The following BBOX1 variants were observed in gnomAD, a reference collection of about 807,000 sequenced individuals.
BBOX1 encodes the protein gamma-butyrobetaine dioxygenase.
BBOX1 carries 35 observed loss-of-function variants against 41.6 expected under a neutral mutation model. The ratio of observed to expected loss-of-function variants is 0.84; its 90% CI spans 0.64 to 1.11. The LOEUF (loss-of-function observed/expected upper bound fraction) is 1.11, where lower values mean the gene tolerates loss of function less well. Among genes scored for constraint, BBOX1 ranks in the 50% most tolerant of loss-of-function variants. The pLI, the probability that BBOX1 is intolerant of heterozygous loss-of-function variation, is 0.00. For synonymous variants in BBOX1, 163 were observed against 154.7 expected, an observed-to-expected ratio of 1.05 and a Z score of -0.40; for missense variants, 458 against 460.6, an observed-to-expected ratio of 0.99 and a Z score of 0.05.
At chr11:27,076,731 A>G (rs1245637060) in intron 4 of BBOX1, among the ~76,000 whole-genome samples, 1 of 152,144 alleles carries the variant, frequency 6.6e-6, no homozygotes, top group Non-Finnish European at 1.5e-5. Context: ...GGCTCTCCAC[A>G]TGCAGGGCAA....
At chr11:27,068,201 A>G (rs1375447025) in intron 4 of BBOX1, among the ~76,000 whole-genome samples, 5 of 152,106 alleles carry the variant, frequency 3.3e-5, no homozygotes, top group Admixed American at 3.3e-4. Context: ...CCCACAGTGA[A>G]CGCTTCCCTT....
At chr11:27,109,452 C>A (rs1353865649) in intron 5 of BBOX1, among the ~76,000 whole-genome samples, 2 of 151,898 alleles carry the variant, frequency 1.3e-5, no homozygotes, top group South Asian at 4.1e-4. Flanking sequence ...CCGTTTGAAC[C>A]TAAAGACCAA....
At chr11:27,058,236 T>A (rs1406025622) in intron 4 of BBOX1, among the ~76,000 whole-genome samples, 2 of 152,184 alleles carry the variant, frequency 1.3e-5, no homozygotes, top group Non-Finnish European at 2.9e-5. Flanking sequence ...CCTTCCATCA[T>A]GATTGTAAGT....
rs376519640 is a variant in BBOX1 at position 27,057,213 on chromosome 11, T to C, written c.232T>C (p.Trp78Arg). ...TTTGTGTTATAAGGTGTACATCACA[T>C]GGCCCGATGAGCATTACAGTGAATT... The part of the protein sequence containing the change: ...IFDRKKVYIT[W>R]PDEHYSEFQA... The change falls in exon 4 of 9, where the codon TGG becomes CGG. Residue 78 changes from tryptophan (W) to arginine (R), a missense_variant. Trp to Arg is a moderately radical substitution (Grantham distance 101). Transcript: ENST00000263182. The C allele has an allele frequency of 3.1e-6, 5 of 1,603,444 alleles. No individual in the cohort carries two copies. Among genetic ancestry groups the C allele is most frequent in the Non-Finnish European group, 2.5e-6 (3 of 1,177,452 alleles).
At chr11:27,082,213 G>T (rs1857866129) in intron 4 of BBOX1, among the ~76,000 whole-genome samples, 1 of 152,096 alleles carries the variant, frequency 6.6e-6, no homozygotes, top group South Asian at 2.1e-4. Flanking sequence ...TGAGATTTGG[G>T]TAGGGGCAAA....
At chr11:27,122,966 C>T (rs1297769447) in intron 7 of BBOX1, among the ~76,000 whole-genome samples, 1 of 152,010 alleles carries the variant, frequency 6.6e-6, no homozygotes, top group East Asian at 1.9e-4. Context: ...TACATTAGAC[C>T]CTGCTGTTCT....
chr11:27,081,964 T>C (rs908740268), intron 4 of BBOX1, among the ~76,000 whole-genome samples: 1 of 152,158 alleles, frequency 6.6e-6, no homozygotes, highest in Non-Finnish European at 1.5e-5. Context: ...TAGCCCTTTT[T>C]CGGATGGATA....
intron 5 of BBOX1, among the ~76,000 whole-genome samples, chr11:27,096,701 G>T (rs1267959383): frequency 1.3e-5 from 2 of 151,948 alleles, no homozygotes; most frequent in East Asian, 1.9e-4. Context: ...TAGGTGGTTG[G>T]TTGGATGAAC....
intron 8 of BBOX1, among the ~76,000 whole-genome samples, chr11:27,126,118 T>TAG (rs1859642015): frequency 6.6e-6 from 1 of 152,240 alleles, no homozygotes. Context: ...TGAAATAAAG[T>TAG]AGTACCTAAA....
intron 4 of BBOX1, among the ~76,000 whole-genome samples, chr11:27,077,822 C>T (rs60221403): frequency 0.074 from 11,175 of 152,004 alleles, 1,353 homozygotes; most frequent in African/African-American, 0.25. Flanking sequence ...TAGATTGTCT[C>T]TCTTGCCAAC....
intron 4 of BBOX1, among the ~76,000 whole-genome samples, chr11:27,075,771 C>T (rs768677410): frequency 6.6e-6 from 1 of 152,190 alleles, no homozygotes; most frequent in Non-Finnish European, 1.5e-5. Context: ...TTGTGGGGAT[C>T]CAGTCACCCT....
At chr11:27,057,544 G>A in intron 4 of BBOX1, 1 of 438,212 alleles carries the variant, frequency 2.3e-6, no homozygotes. Flanking sequence ...AATAAGTCCA[G>A]CAAACTTGTG....
At chr11:27,104,369 T>G (rs971036450) in intron 5 of BBOX1, among the ~76,000 whole-genome samples, 1 of 152,186 alleles carries the variant, frequency 6.6e-6, no homozygotes, top group Non-Finnish European at 1.5e-5. Flanking sequence ...TTGAAAGGTT[T>G]GTCTCTATCC....
chr11:27,096,503 G>C (rs1858442308), intron 5 of BBOX1, among the ~76,000 whole-genome samples: 1 of 151,954 alleles, frequency 6.6e-6, no homozygotes, highest in Non-Finnish European at 1.5e-5. Flanking sequence ...GACTGCTCTT[G>C]GTTAGATGCC....
At chr11:27,055,201 C>T in intron 2 of BBOX1, 192 bp from the exon 3 acceptor site, 1 of 435,184 alleles carries the variant, frequency 2.3e-6, no homozygotes, top group Non-Finnish European at 4.1e-6. Context: ...TACTTTTAGT[C>T]ACTGTGTTTC....
At chr11:27,078,851 C>A (rs565504066) in intron 4 of BBOX1, among the ~76,000 whole-genome samples, 11 of 152,094 alleles carry the variant, frequency 7.2e-5, no homozygotes, top group African/African-American at 2.7e-4. Context: ...TCATAAATGA[C>A]CTGAGCCTCA....
chr11:27,088,516 AG>A (rs1385226010), intron 4 of BBOX1, among the ~76,000 whole-genome samples: 1 of 152,144 alleles, frequency 6.6e-6, no homozygotes, highest in Non-Finnish European at 1.5e-5. Flanking sequence ...AATTCTGACT[AG>A]GAGCCAAGGT....
intron 4 of BBOX1, among the ~76,000 whole-genome samples, chr11:27,058,965 A>G (rs1437277291): frequency 6.6e-6 from 1 of 152,228 alleles, no homozygotes; most frequent in African/African-American, 2.4e-5. Flanking sequence ...ACCACTTATT[A>G]GAGATATTTG....
intron 2 of BBOX1, among the ~76,000 whole-genome samples, chr11:27,050,782 CA>C (rs1851648623): frequency 6.6e-6 from 1 of 152,058 alleles, no homozygotes; most frequent in African/African-American, 2.4e-5. Context: ...CATCAGAAAA[CA>C]AGGACAATTT....
Sources: gnomAD v4.1 joint callset for allele counts (sites outside exome capture counted in the v4.1 genomes callset) on GRCh38, gnomAD v4.1.1 for gene constraint, MANE v1.5 for transcripts, NCBI Gene and HGNC (gene_info 2026-07-23, HGNC 2026-07-21) for gene names.